Variants in AFF3 observed in about 807,000 individuals in gnomAD.
The protein encoded by AFF3 is ALF transcription elongation factor 3, also known as AF4/FMR2 family member 3.
AFF3 carries 32 observed loss-of-function variants against 129.7 expected under a neutral mutation model. The observed-to-expected ratio is 0.25, with a 90% CI of 0.19 to 0.33. AFF3 has a LOEUF of 0.33. Ranked by LOEUF, AFF3 falls within the 10% of genes least tolerant of loss-of-function variation. The pLI is 1.00. For missense variants in AFF3, 1,373 were observed against 1,592.0 expected (o/e 0.86, Z 2.34); for synonymous variants, 644 against 635.4 (o/e 1.01, Z -0.20).
At chr2:99,992,813 A>T (rs1680480630) in intron 7 of AFF3, among the ~76,000 whole-genome samples, 1 of 152,216 alleles carries the variant, frequency 6.6e-6, no homozygotes, top group Admixed American at 6.5e-5. Flanking sequence ...TAAAATAATG[A>T]CAACTGTAAG....
chr2:99,818,768 T>C (rs1025098927), intron 8 of AFF3, among the ~76,000 whole-genome samples: 1 of 152,208 alleles, frequency 6.6e-6, no homozygotes, highest in Non-Finnish European at 1.5e-5. Context: ...TCTTTGTGAA[T>C]TCTCAAAATA....
At chr2:99,813,958 G>T (rs574243274) in intron 8 of AFF3, among the ~76,000 whole-genome samples, 17 of 152,298 alleles carry the variant, frequency 1.1e-4, no homozygotes, top group Non-Finnish European at 1.5e-4. Flanking sequence ...CTGACTAAGA[G>T]CAAACAATAG....
intron 8 of AFF3, among the ~76,000 whole-genome samples, chr2:99,770,444 A>C (rs890157653): frequency 3.9e-5 from 6 of 152,196 alleles, no homozygotes; most frequent in African/African-American, 1.2e-4. Context: ...GCCTGGAATC[A>C]GGGACACCAA....
In AFF3 at chr2:99,557,076, C is replaced by T. The variant is rs141804417; in HGVS notation, c.3285+1799G>A. Among the ~76,000 whole-genome samples the T allele has an allele frequency of 5.9e-4, 90 of 152,080 alleles. 2 individuals are homozygous for T. The East Asian group carries it at 0.014, about 23-fold the overall frequency. The stretch of plus-strand genomic sequence containing the variant: ...ATTTTAAATGTTCCCATCACAAAAA[C>T]GGTAAGTATGTGAGGTGATGGATAT... On this transcript the variant is annotated intron_variant, in intron 22 of 24. Transcript: ENST00000672756.
intron 4 of AFF3, among the ~76,000 whole-genome samples, chr2:100,096,011 T>C (rs1188565999): frequency 2.0e-5 from 3 of 152,052 alleles, no homozygotes; most frequent in African/African-American, 7.2e-5. Flanking sequence ...ACTAGGAAAG[T>C]TGCAATTTGC....
At chr2:99,576,030 TG>T (rs200736171) in intron 18 of AFF3, among the ~76,000 whole-genome samples, 4,613 of 149,544 alleles carry the variant, frequency 0.031, 183 homozygotes, top group African/African-American at 0.093. Flanking sequence ...GACAACATAG[TG>T]AGACATGATT....
intron 11 of AFF3, among the ~76,000 whole-genome samples, chr2:99,711,453 A>G (rs1677883318): frequency 6.6e-6 from 1 of 152,214 alleles, no homozygotes; most frequent in African/African-American, 2.4e-5. Flanking sequence ...AGGCATGCCA[A>G]GTATCTTTAT....
chr2:100,118,851 G>A (rs796933424), intron 2 of AFF3, among the ~76,000 whole-genome samples: 8 of 148,240 alleles, frequency 5.4e-5, no homozygotes, highest in African/African-American at 1.5e-4. Flanking sequence ...TCGCTCTGTC[G>A]CCCAGGCTAG....
intron 8 of AFF3, among the ~76,000 whole-genome samples, chr2:99,824,120 CTT>C (rs372435426): frequency 6.9e-5 from 10 of 145,436 alleles, no homozygotes; most frequent in Non-Finnish European, 7.6e-5. Flanking sequence ...ATATAAAATC[CTT>C]TTTTTTTTTT....
chr2:99,709,850 A>G (rs1322463953), intron 11 of AFF3, among the ~76,000 whole-genome samples: 1 of 152,238 alleles, frequency 6.6e-6, no homozygotes, highest in Non-Finnish European at 1.5e-5. Flanking sequence ...TTTACTGTTA[A>G]GCAGATTTTC....
chr2:99,665,839 T>C (rs560466647), intron 12 of AFF3, among the ~76,000 whole-genome samples: 1 of 150,416 alleles, frequency 6.6e-6, no homozygotes, highest in East Asian at 2.0e-4. Flanking sequence ...ACCAGGAGAG[T>C]GTGGTGTTAG....
At chr2:99,990,157 G>A (rs1680211233) in intron 7 of AFF3, among the ~76,000 whole-genome samples, 1 of 152,206 alleles carries the variant, frequency 6.6e-6, no homozygotes, top group Non-Finnish European at 1.5e-5. Context: ...GGAAAAGGAT[G>A]AGGAAGTAGC....
At chr2:99,713,163 C>T (rs892285041) in intron 11 of AFF3, among the ~76,000 whole-genome samples, 4 of 152,076 alleles carry the variant, frequency 2.6e-5, no homozygotes, top group South Asian at 2.1e-4. Context: ...AGGGTGGTGA[C>T]GGCCGCTCAA....
chr2:99,559,602 A>G (rs1675284734), intron 21 of AFF3, among the ~76,000 whole-genome samples: 1 of 152,122 alleles, frequency 6.6e-6, no homozygotes, highest in African/African-American at 2.4e-5. Context: ...CCAATATGGG[A>G]CTTAAAGTTT....
intron 7 of AFF3, among the ~76,000 whole-genome samples, chr2:99,843,961 T>G (rs887102843): frequency 6.6e-6 from 1 of 151,656 alleles, no homozygotes; most frequent in Non-Finnish European, 1.5e-5. Context: ...ACCCGGGAGG[T>G]GGAGGTTGCA....
At chr2:99,862,186 C>T (rs7558575) in intron 7 of AFF3, among the ~76,000 whole-genome samples, 116,288 of 151,992 alleles carry the variant, frequency 0.77, 45,039 homozygotes, top group South Asian at 0.9. Flanking sequence ...ATCTATACTT[C>T]CTATTTTTTT....
intron 7 of AFF3, among the ~76,000 whole-genome samples, chr2:99,995,110 G>T (rs914869436): frequency 6.6e-6 from 1 of 152,180 alleles, no homozygotes; most frequent in African/African-American, 2.4e-5. Flanking sequence ...TGGAGCAGGT[G>T]GGGGAAGTGG....
intron 7 of AFF3, among the ~76,000 whole-genome samples, chr2:99,955,821 G>C (rs902554040): frequency 6.6e-6 from 1 of 152,036 alleles, no homozygotes; most frequent in African/African-American, 2.4e-5. Flanking sequence ...TCTTTAAAAG[G>C]GTACAAAAAT....
intron 7 of AFF3, among the ~76,000 whole-genome samples, chr2:99,961,889 G>A (rs1278355628): frequency 9.2e-5 from 14 of 152,158 alleles, no homozygotes; most frequent in African/African-American, 2.7e-4. Context: ...TCCGCAAGGC[G>A]GATAGATCAA....
Sources: gnomAD v4.1 joint callset for allele counts (sites outside exome capture counted in the v4.1 genomes callset) on GRCh38, gnomAD v4.1.1 for gene constraint, MANE v1.5 for transcripts, NCBI Gene and HGNC (gene_info 2026-07-23, HGNC 2026-07-21) for gene names.